Variants in PRKG1 observed in about 807,000 individuals in gnomAD.
PRKG1 encodes the protein protein kinase cGMP-dependent 1.
A neutral mutation model predicts 88.1 loss-of-function variants in PRKG1; 35 were observed. That is an observed-to-expected ratio of 0.40 (90% CI 0.30 to 0.53). The LOEUF is 0.53. Among genes scored for constraint, PRKG1 ranks in the 20% least tolerant of loss-of-function variants. The probability of loss-of-function intolerance (pLI) is 0.59; values close to 1 mark genes in which losing one functional copy is unlikely to be tolerated. For missense variants in PRKG1, 540 were observed against 839.8 expected (o/e 0.64, Z 4.41); for synonymous variants, 303 against 292.5 (o/e 1.04, Z -0.37).
At chr10:51,888,339 A>G (rs1012619683) in intron 4 of PRKG1, among the ~76,000 whole-genome samples, 4 of 152,236 alleles carry the variant, frequency 2.6e-5, no homozygotes, top group African/African-American at 9.6e-5. Flanking sequence ...CTTAAGAACA[A>G]GGTTATTTTA....
chr10:51,244,905 G>A (rs976575516), intron 2 of PRKG1: 7 of 151,340 alleles, frequency 4.6e-5, no homozygotes, highest in Middle Eastern at 3.4e-3. Flanking sequence ...CAGTGGAAGC[G>A]TTTTCCTTTG....
At chr10:51,347,406 A>G (rs1196089758) in intron 2 of PRKG1, among the ~76,000 whole-genome samples, 1 of 152,202 alleles carries the variant, frequency 6.6e-6, no homozygotes, top group East Asian at 1.9e-4. Flanking sequence ...CTAACGAAGA[A>G]TGGATACTTC....
At chr10:52,233,088 C>G (rs1383734572) in intron 9 of PRKG1, among the ~76,000 whole-genome samples, 2 of 151,788 alleles carry the variant, frequency 1.3e-5, no homozygotes, top group African/African-American at 2.4e-5. Flanking sequence ...TATCAAAAAG[C>G]CTTGCAAAAC....
chr10:51,562,588 C>T (rs576520310), intron 3 of PRKG1, among the ~76,000 whole-genome samples: 6 of 152,148 alleles, frequency 3.9e-5, no homozygotes, highest in African/African-American at 1.4e-4. Flanking sequence ...AAGATAAATA[C>T]ACCTGGGGCA....
In PRKG1 at chr10:51,188,744, A is replaced by G. The variant is rs79003948; in HGVS notation, c.478+35414A>G. On this transcript the variant is annotated intron_variant, in intron 2 of 17. Coordinates refer to ENST00000373980, the MANE Select transcript of PRKG1 (RefSeq NM_006258.4). ...AAGTGTACACAAATTAAAAGACCCC[A>G]GAGGATAAGTTTGTGTCTAATCCCA... 6.6e-5 allele frequency among the ~76,000 whole-genome samples: 10 copies of G among 152,078 alleles called. No homozygotes were observed. The East Asian group carries it at 1.9e-3, about 29-fold the overall frequency.
At chr10:52,090,937 C>G (rs1210330688) in intron 7 of PRKG1, among the ~76,000 whole-genome samples, 1 of 152,180 alleles carries the variant, frequency 6.6e-6, no homozygotes, top group African/African-American at 2.4e-5. Flanking sequence ...ATGCTTTGTT[C>G]TTCTACTCTT....
chr10:51,181,265 C>T (rs1419823944), intron 2 of PRKG1, among the ~76,000 whole-genome samples: 5 of 108,026 alleles, frequency 4.6e-5, no homozygotes, highest in African/African-American at 1.1e-4. Context: ...GACGGAGTCT[C>T]GCTCTGTCGC....
At chr10:51,599,000 A>C (rs758259241) in intron 3 of PRKG1, among the ~76,000 whole-genome samples, 12 of 152,200 alleles carry the variant, frequency 7.9e-5, no homozygotes, top group Non-Finnish European at 1.8e-4. Context: ...CATGTGCCAG[A>C]GTTGTTTAGA....
chr10:51,271,290 T>A (rs1839973907), intron 2 of PRKG1, among the ~76,000 whole-genome samples: 1 of 152,120 alleles, frequency 6.6e-6, no homozygotes. Context: ...CTTTTCAGCC[T>A]GGTCATCATC....
intron 14 of PRKG1, among the ~76,000 whole-genome samples, chr10:52,283,457 G>C (rs564241133): frequency 6.6e-6 from 1 of 152,106 alleles, no homozygotes; most frequent in Non-Finnish European, 1.5e-5. Context: ...ACTTAGAAGA[G>C]TGTTTCGCAC....
chr10:51,204,513 A>G (rs1837996503), intron 2 of PRKG1, among the ~76,000 whole-genome samples: 1 of 151,854 alleles, frequency 6.6e-6, no homozygotes, highest in African/African-American at 2.4e-5. Flanking sequence ...TTGTCAGGCC[A>G]TTTTTAACAG....
At chr10:51,957,712 T>C (rs1843348282) in intron 5 of PRKG1, among the ~76,000 whole-genome samples, 1 of 152,214 alleles carries the variant, frequency 6.6e-6, no homozygotes, top group South Asian at 2.1e-4. Flanking sequence ...GTATACCTTA[T>C]AATTTACAAA....
At position 52,296,624 on chromosome 10, in the gene PRKG1, C is replaced by A. The variant is rs1186416844; in HGVS notation, c.*2724C>A. On this transcript the variant is annotated 3_prime_UTR_variant, in exon 18 of 18. Coordinates refer to ENST00000373980, the MANE Select transcript of PRKG1 (RefSeq NM_006258.4). Reference sequence around the variant, plus strand: ...TCTGGATAAGTTAGAATAGTGCCAACTTGTTTGATTTGTTATATGATTTTC... The same window carrying A: ...TCTGGATAAGTTAGAATAGTGCCAAATTGTTTGATTTGTTATATGATTTTC... The A allele has an allele frequency of 6.6e-6, 1 of 151,944 alleles. No individual in the cohort carries two copies. Among genetic ancestry groups the A allele is most frequent in the East Asian group, 1.9e-4 (1 of 5,184 alleles). 9.4% of individuals were successfully genotyped at this position (151,944 alleles called of 1,614,324 possible). A position where few individuals can be genotyped will look rare whatever the true frequency, so the allele number is the denominator to read the frequency against.
intron 9 of PRKG1, among the ~76,000 whole-genome samples, chr10:52,204,334 C>T (rs1300160942): frequency 6.6e-6 from 1 of 152,058 alleles, no homozygotes; most frequent in Non-Finnish European, 1.5e-5. Flanking sequence ...GATCTGCCCA[C>T]CTCGGCCTCC....
At chr10:52,051,325 G>A (rs544023764) in intron 5 of PRKG1, among the ~76,000 whole-genome samples, 1 of 152,178 alleles carries the variant, frequency 6.6e-6, no homozygotes, top group African/African-American at 2.4e-5. Context: ...ATCATAATGA[G>A]CTGCTTATTC....
intron 7 of PRKG1, among the ~76,000 whole-genome samples, chr10:52,078,419 C>T (rs186308088): frequency 2.0e-4 from 31 of 152,016 alleles, no homozygotes; most frequent in Middle Eastern, 3.2e-3. Flanking sequence ...TTTGAGATTG[C>T]GGAAAATAAT....
chr10:51,260,157 A>G (rs1839666888), intron 2 of PRKG1, among the ~76,000 whole-genome samples: 2 of 152,008 alleles, frequency 1.3e-5, no homozygotes, highest in African/African-American at 2.4e-5. Flanking sequence ...ATTGCTCTTC[A>G]CTCCATTGGA....
intron 7 of PRKG1, among the ~76,000 whole-genome samples, chr10:52,110,445 G>T (rs1403018059): frequency 6.6e-6 from 1 of 151,998 alleles, no homozygotes; most frequent in South Asian, 2.1e-4. Flanking sequence ...ATATTTTTGT[G>T]TGTCTTTTGT....
At chr10:51,392,136 T>A (rs905715627) in intron 2 of PRKG1, among the ~76,000 whole-genome samples, 32 of 118,642 alleles carry the variant, frequency 2.7e-4, no homozygotes, top group Non-Finnish European at 4.1e-4. Flanking sequence ...ACATGATGAA[T>A]TTTTTTTTTT....
Sources: gnomAD v4.1 joint callset for allele counts (sites outside exome capture counted in the v4.1 genomes callset) on GRCh38, gnomAD v4.1.1 for gene constraint, MANE v1.5 for transcripts, NCBI Gene and HGNC (gene_info 2026-07-23, HGNC 2026-07-21) for gene names.